Variants in FCER2 observed in about 807,000 individuals in gnomAD.
FCER2 encodes the protein low affinity immunoglobulin epsilon Fc receptor.
A neutral mutation model predicts 49.7 loss-of-function variants in FCER2; 38 were observed. The observed-to-expected ratio is 0.76, with a 90% CI of 0.59 to 1.00. The LOEUF is 1.00. FCER2 is among the 50% of genes least tolerant of loss of function. The probability of loss-of-function intolerance (pLI) is 0.00; values close to 1 mark genes in which losing one functional copy is unlikely to be tolerated. For missense variants in FCER2, 425 were observed against 419.5 expected, an observed-to-expected ratio of 1.01 and a Z score of -0.11; for synonymous variants, 163 against 164.6, an observed-to-expected ratio of 0.99 and a Z score of 0.07.
chr19:7,690,637 T>C (rs2032842455), intron 8 of FCER2, 80 bp from the exon 9 acceptor site: 2 of 1,425,432 alleles, frequency 1.4e-6, no homozygotes, highest in Non-Finnish European at 1.9e-6. Context: ...GCAGCACCCC[T>C]CCTAGGGCCA....
chr19:7,696,512 AG>A (rs2033015469), intron 8 of FCER2, among the ~76,000 whole-genome samples: 1 of 152,122 alleles, frequency 6.6e-6, no homozygotes. Flanking sequence ...CTGGGATTAC[AG>A]GTGTGAGCCA....
chr19:7,698,971 G>T, intron 2 of FCER2, 117 bp from the exon 3 acceptor site: 1 of 1,069,036 alleles, frequency 9.4e-7, no homozygotes, highest in Non-Finnish European at 1.4e-6. Context: ...AGCCCACACT[G>T]AAGCAAAGGG....
At chr19:7,690,358 C>CG in intron 9 of FCER2, 48 bp downstream of exon 9, 1 of 1,608,158 alleles carries the variant, frequency 6.2e-7, no homozygotes, top group Non-Finnish European at 8.5e-7. Flanking sequence ...GTGGGGGTCC[C>CG]CCCACCCTCG....
intron 8 of FCER2, among the ~76,000 whole-genome samples, chr19:7,693,288 G>A (rs1194130686): frequency 6.6e-6 from 1 of 152,136 alleles, no homozygotes; most frequent in Non-Finnish European, 1.5e-5. Context: ...CTTCCAGTGG[G>A]AGGCTTTGGT....
chr19:7,700,499 G>A (rs1308481342), intron 1 of FCER2, among the ~76,000 whole-genome samples: 1 of 126,664 alleles, frequency 7.9e-6, no homozygotes, highest in Non-Finnish European at 1.7e-5. Context: ...TCTGTAAAGT[G>A]CTCTGACTTT....
Position 7,697,601 on chromosome 19 carries a change from G to A in FCER2, c.191-12C>T, listed in dbSNP as rs944919501. The A allele has an allele frequency of 1.7e-5, 27 of 1,613,294 alleles. No individual in the cohort carries two copies. In the East Asian group the frequency reaches 5.8e-4, roughly 35 times the overall value. On this transcript the variant is annotated splice_polypyrimidine_tract_variant and intron_variant, in intron 4 of 10. Transcript: ENST00000597921. ...GGAAACTTGAGAGACTGGAGCGGCG[G>A]GAGAGAAGAGATATCCCAGGAACCT...
Position 7,692,030 on chromosome 19 carries a change from G to A in FCER2, c.470-1473C>T, listed in dbSNP as rs1455626293. Among the ~76,000 whole-genome samples, 10 of 103,422 alleles carry A rather than the reference G, an allele frequency of 9.7e-5. 2 individuals carry two copies. The highest frequency in any genetic ancestry group is 4.0e-5 in the Non-Finnish European group (2 of 50,492). The allele number at this position is 103,422 out of a possible 152,430, so 67.8% of individuals were successfully genotyped here. A position where few individuals can be genotyped will look rare whatever the true frequency, so the allele number is the denominator to read the frequency against. On this transcript the variant is annotated intron_variant, in intron 8 of 10. Coordinates refer to ENST00000597921, the MANE Select transcript of FCER2 (RefSeq NM_001220500.2). Reference sequence around the variant, plus strand: ...ACACCATCAGCACGAATACATTCACGTCCAACAACACATCAACTACCAACA... The same window carrying A: ...ACACCATCAGCACGAATACATTCACATCCAACAACACATCAACTACCAACA...
intron 6 of FCER2, 62 bp from the exon 7 acceptor site, chr19:7,697,137 C>A: frequency 1.9e-6 from 3 of 1,607,438 alleles, no homozygotes; most frequent in Non-Finnish European, 1.7e-6. Context: ...GAGGGTGCCC[C>A]CCAAGCCTGG....
chr19:7,690,221 G>C lies in FCER2; in HGVS notation c.666C>G (p.Gly222=). Residue 222 remains glycine (G), a synonymous_variant, in exon 10 of 11, where the codon GGC becomes GGG. Transcript: ENST00000597921. ...CCCCCTTCAGGTCCAAGTTCCGAAG[G>C]CCAATCCAGGAGCCGGTGTGGCTGG... ...KHASHTGSWI[G]LRNLDLKGEF... 6.2e-7 allele frequency: 1 copy of C among 1,614,086 alleles called. No individual in the cohort carries two copies. Among genetic ancestry groups the C allele is most frequent in the Non-Finnish European group, 8.5e-7 (1 of 1,179,958 alleles).
intron 8 of FCER2, among the ~76,000 whole-genome samples, chr19:7,696,160 C>T (rs1377725978): frequency 1.3e-5 from 2 of 151,958 alleles, no homozygotes; most frequent in Non-Finnish European, 2.9e-5. Flanking sequence ...AGTGCAGTGG[C>T]GTGATCTTGG....
At chr19:7,692,642 AGC>A (rs1361212275) in intron 8 of FCER2, among the ~76,000 whole-genome samples, 69 of 137,626 alleles carry the variant, frequency 5.0e-4, no homozygotes, top group African/African-American at 2.0e-3. Context: ...CATCGCCATC[AGC>A]ACTTCGTGGT....
chr19:7,700,506 C>CTTTA (rs113893384), intron 1 of FCER2, among the ~76,000 whole-genome samples: 40 of 150,790 alleles, frequency 2.7e-4, no homozygotes, highest in African/African-American at 6.6e-4. Flanking sequence ...AGTGCTCTGA[C>CTTTA]TTTATTTATT....
chr19:7,697,325 G>A (rs766379194), intron 5 of FCER2, 27 bp from the exon 6 acceptor site: 1 of 1,612,150 alleles, frequency 6.2e-7, no homozygotes, highest in African/African-American at 1.3e-5. Context: ...GGGCTTCATG[G>A]TAAGCAGGTC....
intron 3 of FCER2, 122 bp downstream of exon 3, chr19:7,698,619 T>C (rs1458085601): frequency 7.4e-7 from 1 of 1,359,224 alleles, no homozygotes; most frequent in Non-Finnish European, 1.0e-6. Flanking sequence ...GGAGGCAGGA[T>C]GGGAAAATTG....
chr19:7,693,319 C>G (rs912088331), intron 8 of FCER2, among the ~76,000 whole-genome samples: 5 of 152,150 alleles, frequency 3.3e-5, no homozygotes, highest in African/African-American at 1.2e-4. Flanking sequence ...AATGGGATTG[C>G]AAGACTAGGT....
intron 8 of FCER2, among the ~76,000 whole-genome samples, chr19:7,695,591 C>T (rs1005457373): frequency 6.6e-6 from 1 of 151,562 alleles, no homozygotes; most frequent in Non-Finnish European, 1.5e-5. Flanking sequence ...GCCTGGGCAA[C>T]ATAGCGAGAT....
chr19:7,698,205 T>C (rs1199752338), intron 4 of FCER2, 151 bp downstream of exon 4: 4 of 569,160 alleles, frequency 7.0e-6, no homozygotes, highest in Non-Finnish European at 1.3e-5. Flanking sequence ...TTTCCAAGCT[T>C]CCCTGGGTCC....
At position 7,698,387 on chromosome 19, in the gene FCER2, T is replaced by G. The variant is rs926135229; in HGVS notation, c.159A>C (p.Leu53=). The G allele has an allele frequency of 6.2e-7, 1 of 1,612,866 alleles. No individual in the cohort carries two copies. The highest frequency in any genetic ancestry group is 1.3e-5 in the African/African-American group (1 of 74,996). Residue 53 remains leucine, a synonymous_variant, in exon 4 of 11, where the codon CTA becomes CTC. Coordinates refer to ENST00000597921, the MANE Select transcript of FCER2 (RefSeq NM_001220500.2). ...LLWHWDTTQS[L]KQLEERAARN... is the part of the protein sequence containing the mutation. The stretch of plus-strand genomic sequence containing the variant: ...GGGCAGCCCTCTCTTCCAGCTGTTT[T>G]AGACTCTGTGTGGTGTCCCAGTCTG...
At position 7,689,474 on chromosome 19, in the gene FCER2, G is replaced by T. The variant is rs558024931; in HGVS notation, c.729-44C>A. On this transcript the variant is annotated intron_variant, in intron 10 of 10. Transcript: ENST00000597921. ...GGTCAGGGGATGGGGCGGGGAGAAG[G>T]AGCCCAGTTCCCGGCAGCCCTCTGA... The T allele has an allele frequency of 5.1e-5, 67 of 1,303,740 alleles. No homozygotes were observed. In the African/African-American group the frequency reaches 9.1e-4, roughly 18 times the overall value. 80.8% of individuals were successfully genotyped at this position (1,303,740 alleles called of 1,614,324 possible).
Sources: allele counts gnomAD v4.1 joint callset (sites outside exome capture counted in the v4.1 genomes callset), GRCh38; gene constraint gnomAD v4.1.1; transcripts MANE v1.5; gene names NCBI Gene and HGNC (gene_info 2026-07-23, HGNC 2026-07-21).